The following TCF21 variants were observed in gnomAD, a reference collection of about 807,000 sequenced individuals.
The protein encoded by TCF21 is transcription factor 21, also known as capsulin.
In TCF21, 3 loss-of-function variants were observed where a neutral mutation model predicts 13.5. That is an observed-to-expected ratio of 0.22 (90% CI 0.10 to 0.57). The LOEUF (loss-of-function observed/expected upper bound fraction) is 0.57. Ranked by LOEUF, TCF21 falls within the 20% of genes least tolerant of loss-of-function variation. The pLI is 0.92. For missense variants in TCF21, 181 were observed against 238.4 expected (o/e 0.76, Z 1.59); for synonymous variants, 92 against 101.7 (o/e 0.90, Z 0.57).
chr6:133,892,881 C>G (rs1775244458), downstream of TCF21: 1 of 152,194 alleles, frequency 6.6e-6, no homozygotes. Flanking sequence ...AAACATTTTC[C>G]AGGCTACGGA....
chr6:133,889,587 A>T lies in TCF21; in HGVS notation c.190A>T (p.Thr64Ser), dbSNP rs1475186633. 6.2e-7 allele frequency: 1 copy of T among 1,613,750 alleles called. No homozygotes were observed. The highest frequency in any genetic ancestry group is 8.5e-7 in the Non-Finnish European group (1 of 1,179,924). ...CCTGGGCAAGAGGAGGAAGGCGCCCACCAAGAAGAGCCCCCTGAGCGGGGT... is the reference window on the plus strand; with the variant it reads ...CCTGGGCAAGAGGAGGAAGGCGCCCTCCAAGAAGAGCCCCCTGAGCGGGGT... ...GGLGKRRKAP[T>S]KKSPLSGVSQ... The change falls in exon 1 of 2, where the codon ACC becomes TCC. Residue 64 changes from threonine to serine, a missense_variant. Physicochemically the swap from Thr to Ser is moderately conservative, Grantham distance 58. This residue lies in a region of TCF21 where 91 missense variants were observed against 98.5 expected (regional missense o/e 0.92). Transcript: ENST00000367882. The surrounding 1 kb of genome is among the most constrained non-coding windows in gnomAD (Gnocchi z 5.1).
intron 1 of TCF21, among the ~76,000 whole-genome samples, chr6:133,890,177 C>G (rs527525669): frequency 6.6e-6 from 1 of 152,360 alleles, no homozygotes; most frequent in African/African-American, 2.4e-5. Context: ...GGTGCAGTGG[C>G]TGCTGCGGAA....
rs140797428 is a variant in TCF21, at chr6:133,889,699, G to C, written c.302G>C (p.Arg101Thr). Residue 101 changes from arginine to threonine, a missense_variant, in exon 1 of 2, where the codon AGA becomes ACA. Arg to Thr is a moderately conservative substitution (Grantham distance 71). Transcript: ENST00000367882. The surrounding 1 kb of genome is among the most constrained non-coding windows in gnomAD (Gnocchi z 5.1). ...CGAGTGCTGAGCAAGGCCTTCTCCA[G>C]ACTCAAGACCACCCTGCCCTGGGTG... ...RMRVLSKAFSRLKTTLPWVPP... is the reference protein window; with the variant it reads ...RMRVLSKAFSTLKTTLPWVPP... 1 of 1,613,818 alleles carries C rather than the reference G, an allele frequency of 6.2e-7. No individual in the cohort carries two copies. The highest frequency in any genetic ancestry group is 1.3e-5 in the African/African-American group (1 of 75,050).
downstream of TCF21, chr6:133,895,111 A>G (rs1775281150): frequency 6.6e-6 from 1 of 152,020 alleles, no homozygotes; most frequent in Non-Finnish European, 1.5e-5. Flanking sequence ...CAGAGACTTC[A>G]TTCTAAAAAG....
chr6:133,889,691 C>G lies in TCF21; in HGVS notation c.294C>G (p.Ala98=). The G allele has an allele frequency of 6.2e-7, 1 of 1,613,836 alleles. No homozygotes were observed. The highest frequency in any genetic ancestry group is 8.5e-7 in the Non-Finnish European group (1 of 1,179,976). The change falls in exon 1 of 2, where the codon GCC becomes GCG. Residue 98 remains alanine, a synonymous_variant. Transcript: ENST00000367882. This position sits in a 1 kb window ranked among gnomAD's most constrained non-coding sequence, Gnocchi z 5.1. ...CCCGCATGCGAGTGCTGAGCAAGGC[C>G]TTCTCCAGACTCAAGACCACCCTGC... ...ERARMRVLSK[A]FSRLKTTLPW...
Position 133,889,967 on chromosome 6 carries a change from C to A in TCF21, c.450+120C>A. ...GGGCGCGGCGGTGACTTACACATCT[C>A]GACCACCGCGGGCCTAGAGCCTCCA... On this transcript the variant is annotated intron_variant, in intron 1 of 1. Coordinates refer to ENST00000367882, the MANE Select transcript of TCF21 (RefSeq NM_003206.4). This position sits in a 1 kb window ranked among gnomAD's most constrained non-coding sequence, Gnocchi z 5.1. The A allele has an allele frequency of 1.8e-6, 2 of 1,136,930 alleles. No homozygotes were observed. Among genetic ancestry groups the A allele is most frequent in the Non-Finnish European group, 2.6e-6 (2 of 770,302 alleles). 70.4% of individuals were successfully genotyped at this position (1,136,930 alleles called of 1,614,324 possible). A position where few individuals can be genotyped will look rare whatever the true frequency, so the allele number is the denominator to read the frequency against.
chr6:133,889,151 A>C lies in TCF21; in HGVS notation c.-247A>C. 1 of 568,134 alleles carries C rather than the reference A, an allele frequency of 1.8e-6. No homozygotes were observed. The highest frequency in any genetic ancestry group is 3.1e-6 in the Non-Finnish European group (1 of 317,890). The allele number at this position is 568,134 out of a possible 1,614,324, so 35.2% of individuals were successfully genotyped here. ...CCTCCTCTACGGCCACGACTCTGGGAGTGGGGAAACAGAGAGCCGGTTCCT... is the reference window on the plus strand; with the variant it reads ...CCTCCTCTACGGCCACGACTCTGGGCGTGGGGAAACAGAGAGCCGGTTCCT... On this transcript the variant is annotated 5_prime_UTR_variant, in exon 1 of 2. Transcript: ENST00000367882. The surrounding 1 kb of genome is among the most constrained non-coding windows in gnomAD (Gnocchi z 5.1).
At chr6:133,891,631 C>CATACATTAAAA in intron 1 of TCF21, 82 bp from the exon 2 acceptor site, 1 of 1,215,180 alleles carries the variant, frequency 8.2e-7, no homozygotes, top group Non-Finnish European at 1.2e-6. Context: ...CACCGCCCCC[C>CATACATTAAAA]TTCCTTTCAT....
chr6:133,891,671 C>T (rs2114564059), intron 1 of TCF21, 42 bp from the exon 2 acceptor site: 1 of 1,604,282 alleles, frequency 6.2e-7, no homozygotes, highest in Non-Finnish European at 8.5e-7. Context: ...CCACCCCCTC[C>T]GCCACGGCCA....
In TCF21 at chr6:133,891,839, G is replaced by C. The variant is rs369704773; in HGVS notation, c.*37G>C. ...CGAGTCTGGGAAAGGCGCGCTCCCG[G>C]GGGGAGCGGGCCCCGGGAAGGCGAC... is the stretch of plus-strand genomic sequence containing the variant. On this transcript the variant is annotated 3_prime_UTR_variant, in exon 2 of 2. Coordinates refer to ENST00000367882, the MANE Select transcript of TCF21 (RefSeq NM_003206.4). The C allele has an allele frequency of 2.8e-5, 45 of 1,608,892 alleles. No individual in the cohort carries two copies. Among genetic ancestry groups the C allele is most frequent in the Non-Finnish European group, 3.6e-5 (42 of 1,176,596 alleles).
chr6:133,891,928 C>T lies in TCF21; in HGVS notation c.*126C>T, dbSNP rs1267437198. 8.7e-6 allele frequency: 8 copies of T among 916,844 alleles called. No homozygotes were observed. The highest frequency in any genetic ancestry group is 6.7e-5 in the African/African-American group (4 of 59,944). The allele number at this position is 916,844 out of a possible 1,614,324, so 56.8% of individuals were successfully genotyped here. A position where few individuals can be genotyped will look rare whatever the true frequency, so the allele number is the denominator to read the frequency against. ...CAATGCTCCTCTCTCTGTCCCACCC[C>T]GCGAGAACACTTTACAACGACGAGG... On this transcript the variant is annotated 3_prime_UTR_variant, in exon 2 of 2. Coordinates refer to ENST00000367882, the MANE Select transcript of TCF21 (RefSeq NM_003206.4).
At chr6:133,895,514 A>G (rs546431763), downstream of TCF21, 1 of 152,330 alleles carries the variant, frequency 6.6e-6, no homozygotes, top group African/African-American at 2.4e-5. Context: ...ACTTGTCTTC[A>G]GAAAATAAAA....
chr6:133,889,223 G>A lies in TCF21; in HGVS notation c.-175G>A. On this transcript the variant is annotated 5_prime_UTR_variant, in exon 1 of 2. Transcript: ENST00000367882. This position sits in a 1 kb window ranked among gnomAD's most constrained non-coding sequence, Gnocchi z 5.1. ...TTCCTTCTCACAACTCTGCGAAGGG[G>A]AAAGGGTTGTGAGACCCAACCAGAC... 5.4e-6 allele frequency: 4 copies of A among 740,682 alleles called. No individual in the cohort carries two copies. Among genetic ancestry groups the A allele is most frequent in the Non-Finnish European group, 9.1e-6 (4 of 440,480 alleles). The allele number at this position is 740,682 out of a possible 1,614,324, so 45.9% of individuals were successfully genotyped here.
At chr6:133,892,531 C>T (rs1325510079), downstream of TCF21, 1 of 152,190 alleles carries the variant, frequency 6.6e-6, no homozygotes, top group East Asian at 1.9e-4. Context: ...TTATACAGTT[C>T]AAGAGTAAAA....
intron 1 of TCF21, among the ~76,000 whole-genome samples, chr6:133,890,232 A>C (rs1775188197): frequency 1.3e-5 from 2 of 152,162 alleles, no homozygotes; most frequent in Non-Finnish European, 1.5e-5. Flanking sequence ...GCATTTTGTT[A>C]ATCCTTTTTT....
Position 133,889,361 on chromosome 6 carries a change from C to T in TCF21, c.-37C>T. On this transcript the variant is annotated 5_prime_UTR_variant, in exon 1 of 2. Transcript: ENST00000367882. The surrounding 1 kb of genome is among the most constrained non-coding windows in gnomAD (Gnocchi z 5.1). ...TTCCTCGCTTTCTCTGTCTCTCTGTCTCTCTCTCTCTCTCTCCCTCGTCCA... is the reference window on the plus strand; with the variant it reads ...TTCCTCGCTTTCTCTGTCTCTCTGTTTCTCTCTCTCTCTCTCCCTCGTCCA... The T allele has an allele frequency of 5.5e-6, 6 of 1,096,246 alleles. No individual in the cohort carries two copies. The highest frequency in any genetic ancestry group is 7.3e-6 in the Non-Finnish European group (6 of 817,434). 67.9% of individuals were successfully genotyped at this position (1,096,246 alleles called of 1,614,324 possible).
At chr6:133,893,600 AGT>A (rs1775254936), downstream of TCF21, 1 of 152,198 alleles carries the variant, frequency 6.6e-6, no homozygotes, top group Non-Finnish European at 1.5e-5. Context: ...AAGAGTCCCC[AGT>A]GTGATTCAAT....
chr6:133,891,677 G>A, intron 1 of TCF21, 36 bp from the exon 2 acceptor site: 3 of 860,776 alleles, frequency 3.5e-6, no homozygotes, highest in Non-Finnish European at 4.6e-6. Context: ...CCTCCGCCAC[G>A]GCCACTTACC....
Position 133,891,929 on chromosome 6 carries a change from G to C in TCF21, c.*127G>C. On this transcript the variant is annotated 3_prime_UTR_variant, in exon 2 of 2. Transcript: ENST00000367882. ...AATGCTCCTCTCTCTGTCCCACCCC[G>C]CGAGAACACTTTACAACGACGAGGA... The C allele has an allele frequency of 1.1e-6, 1 of 917,876 alleles. No individual in the cohort carries two copies. The highest frequency in any genetic ancestry group is 1.6e-5 in the South Asian group (1 of 63,588). The allele number at this position is 917,876 out of a possible 1,614,324, so 56.9% of individuals were successfully genotyped here. A position where few individuals can be genotyped will look rare whatever the true frequency, so the allele number is the denominator to read the frequency against.
Sources: gnomAD v4.1 joint callset for allele counts (sites outside exome capture counted in the v4.1 genomes callset) on GRCh38, gnomAD v4.1.1 for gene constraint, gnomAD v4.1.1 regional missense constraint, Gnocchi (gnomAD v3.1) non-coding constraint, MANE v1.5 for transcripts, NCBI Gene and HGNC (gene_info 2026-07-23, HGNC 2026-07-21) for gene names.